The following CEP83 variants were observed in gnomAD, a reference collection of about 807,000 sequenced individuals.
The protein encoded by CEP83 is centrosomal protein of 83 kDa.
A neutral mutation model predicts 101.9 loss-of-function variants in CEP83; 70 were observed. That is an observed-to-expected ratio of 0.69 (90% CI 0.57 to 0.84). The LOEUF (loss-of-function observed/expected upper bound fraction) is 0.84, where lower values mean the gene tolerates loss of function less well. CEP83 is among the 40% of genes least tolerant of loss of function. The pLI, the probability that CEP83 is intolerant of heterozygous loss-of-function variation, is 0.00. For missense variants in CEP83, 715 were observed against 787.2 expected (o/e 0.91, Z 1.10); for synonymous variants, 264 against 267.9 (o/e 0.99, Z 0.14).
intron 4 of CEP83, among the ~76,000 whole-genome samples, chr12:94,407,169 G>GTAAT (rs1443387747): frequency 2.0e-5 from 3 of 152,102 alleles, no homozygotes; most frequent in African/African-American, 7.2e-5. Context: ...ATATTAGAAT[G>GTAAT]TAATTAAGAG....
At chr12:94,458,250 C>A (rs2067844466) in intron 1 of CEP83, among the ~76,000 whole-genome samples, 1 of 151,918 alleles carries the variant, frequency 6.6e-6, no homozygotes. Flanking sequence ...TTCATTCTCC[C>A]AGTGCTGCAT....
intron 1 of CEP83, among the ~76,000 whole-genome samples, chr12:94,443,725 G>T (rs1395660699): frequency 6.6e-6 from 1 of 152,042 alleles, no homozygotes; most frequent in Non-Finnish European, 1.5e-5. Context: ...GACTTCAAGT[G>T]ATCCACCCAC....
intron 15 of CEP83, among the ~76,000 whole-genome samples, chr12:94,311,063 AG>A (rs1445782303): frequency 6.6e-6 from 1 of 152,166 alleles, no homozygotes; most frequent in Admixed American, 6.5e-5. Context: ...ACATCTGGGA[AG>A]GTAAAGGACT....
chr12:94,367,754 T>C, intron 11 of CEP83, 40 bp downstream of exon 11: 1 of 1,466,038 alleles, frequency 6.8e-7, no homozygotes, highest in Non-Finnish European at 9.1e-7. Context: ...TCTGACCTTA[T>C]TTCAACATGA....
the CEP83 span, among the ~76,000 whole-genome samples, chr12:94,275,581 C>T: frequency 5.8e-5 from 5 of 86,084 alleles, 1 homozygote; most frequent in African/African-American, 1.5e-4. Flanking sequence ...TGGCCGGGCG[C>T]GGTGGCTCAC....
chr12:94,268,588 C>CTTTTTTTTTTTTTTTTTTT, the CEP83 span, among the ~76,000 whole-genome samples: 11 of 90,880 alleles, frequency 1.2e-4, 1 homozygote, highest in African/African-American at 4.6e-4. Context: ...AGAATAAGAC[C>CTTTTTTTTTTTTTTTTTTT]TTTTTTTTTT....
chr12:94,427,126 T>C (rs1403604290), intron 2 of CEP83, among the ~76,000 whole-genome samples: 2 of 152,244 alleles, frequency 1.3e-5, no homozygotes, highest in Non-Finnish European at 2.9e-5. Flanking sequence ...TTTAAATTCC[T>C]ACCATGGTTA....
At chr12:94,379,079 T>C in intron 6 of CEP83, 37 bp from the exon 7 acceptor site, 1 of 1,502,130 alleles carries the variant, frequency 6.7e-7, no homozygotes, top group Non-Finnish European at 9.0e-7. Context: ...CAAGGTTAAA[T>C]TATTAAATTT....
chr12:94,374,654 T>C (rs763215858), intron 8 of CEP83, among the ~76,000 whole-genome samples: 1 of 152,158 alleles, frequency 6.6e-6, no homozygotes, highest in Non-Finnish European at 1.5e-5. Context: ...TATAAGGAAA[T>C]TGGATCCTAA....
intron 1 of CEP83, among the ~76,000 whole-genome samples, chr12:94,450,992 T>C (rs1184080874): frequency 6.6e-6 from 1 of 152,242 alleles, no homozygotes; most frequent in Non-Finnish European, 1.5e-5. Flanking sequence ...AGGATAGGTT[T>C]ATAGACATGA....
chr12:94,294,397 TAA>T, the CEP83 span: 1 of 643,152 alleles, frequency 1.6e-6, no homozygotes. Context: ...TGACAGCATG[TAA>T]GATCCATCCA....
intron 6 of CEP83, among the ~76,000 whole-genome samples, chr12:94,383,554 G>C (rs973986810): frequency 2.6e-5 from 4 of 151,704 alleles, no homozygotes; most frequent in Non-Finnish European, 5.9e-5. Flanking sequence ...TGTAATCTGG[G>C]GACTGTCAGT....
At chr12:94,373,282 G>C (rs2061384282) in intron 8 of CEP83, among the ~76,000 whole-genome samples, 1 of 152,020 alleles carries the variant, frequency 6.6e-6, no homozygotes, top group South Asian at 2.1e-4. Context: ...TTTATGTTTT[G>C]ACACAATGGA....
intron 6 of CEP83, among the ~76,000 whole-genome samples, chr12:94,381,375 T>A (rs574851676): frequency 3.9e-4 from 59 of 152,356 alleles, no homozygotes; most frequent in East Asian, 5.8e-4. Context: ...TGCAGCTACC[T>A]CTACATTTAC....
At chr12:94,384,787 G>C (rs531858610) in intron 6 of CEP83, among the ~76,000 whole-genome samples, 2 of 152,064 alleles carry the variant, frequency 1.3e-5, no homozygotes, top group Admixed American at 1.3e-4. Context: ...GGTTTTGTTT[G>C]TTTGTTTGTT....
At chr12:94,313,432 G>A (rs768311717) in intron 14 of CEP83, among the ~76,000 whole-genome samples, 34 of 151,568 alleles carry the variant, frequency 2.2e-4, no homozygotes, top group Admixed American at 3.9e-4. Flanking sequence ...TGCTTTGGGA[G>A]GCTGAGGCAG....
intron 14 of CEP83, among the ~76,000 whole-genome samples, chr12:94,327,121 C>G (rs1481595271): frequency 6.6e-6 from 1 of 152,144 alleles, no homozygotes. Context: ...AGGAATGATT[C>G]TAATTTTTAC....
rs370968833 is a variant in CEP83 at position 94,441,914 on chromosome 12, C to CAAA, written c.-154-6590_-154-6588dup. On this transcript the variant is annotated intron_variant, in intron 1 of 16. Transcript: ENST00000397809. ...TGGGCGACAGAGCGAGACTCCGTCT[C>CAAA]AAAAAAAAAAAAAAAAAAAAAAACT... Among the ~76,000 whole-genome samples the CAAA allele has an allele frequency of 2.5e-3, 155 of 61,366 alleles. 1 individual carries two copies. The highest frequency in any genetic ancestry group is 0.011 in the Middle Eastern group (1 of 88). 40.3% of individuals were successfully genotyped at this position (61,366 alleles called of 152,430 possible). A position where few individuals can be genotyped will look rare whatever the true frequency, so the allele number is the denominator to read the frequency against.
chr12:94,279,902 G>A, the CEP83 span: 1 of 627,140 alleles, frequency 1.6e-6, no homozygotes, highest in Non-Finnish European at 2.9e-6. Context: ...TATTACGTCT[G>A]TAAATCAGAT....
Sources: gnomAD v4.1 joint callset for allele counts (sites outside exome capture counted in the v4.1 genomes callset) on GRCh38, gnomAD v4.1.1 for gene constraint, MANE v1.5 for transcripts, NCBI Gene and HGNC (gene_info 2026-07-23, HGNC 2026-07-21) for gene names.